Variants in PDE4B observed in about 807,000 individuals in gnomAD.
PDE4B encodes 3',5'-cyclic-AMP phosphodiesterase 4B.
A neutral mutation model predicts 82.2 loss-of-function variants in PDE4B; 20 were observed. The observed-to-expected ratio is 0.24, with a 90% confidence interval of 0.17 to 0.35. The LOEUF (loss-of-function observed/expected upper bound fraction) is 0.35. PDE4B is among the 10% of genes least tolerant of loss of function. PDE4B has a pLI of 1.00. For missense variants in PDE4B, 655 were observed against 907.2 expected (o/e 0.72, Z 3.57); for synonymous variants, 320 against 318.9 (o/e 1.00, Z -0.04).
chr1:66,084,750 C>T (rs1263071496), intron 3 of PDE4B, among the ~76,000 whole-genome samples: 1 of 152,110 alleles, frequency 6.6e-6, no homozygotes, highest in Non-Finnish European at 1.5e-5. Context: ...TATCTTCATT[C>T]TACTTGGTGA....
intron 1 of PDE4B, among the ~76,000 whole-genome samples, chr1:65,830,589 C>T (rs1646071220): frequency 6.6e-6 from 1 of 152,128 alleles, no homozygotes; most frequent in African/African-American, 2.4e-5. Context: ...AATGAGAAAA[C>T]CACCAGACAA....
chr1:65,836,323 G>A (rs1366466341), intron 1 of PDE4B, among the ~76,000 whole-genome samples: 2 of 152,040 alleles, frequency 1.3e-5, no homozygotes, highest in Non-Finnish European at 2.9e-5. Flanking sequence ...TCCTATACAT[G>A]GTCATCTCTA....
At chr1:66,107,532 C>G (rs1478756494) in intron 3 of PDE4B, among the ~76,000 whole-genome samples, 1 of 150,904 alleles carries the variant, frequency 6.6e-6, no homozygotes, top group Admixed American at 6.6e-5. Context: ...AAAAAAAAAA[C>G]CTGCCTTCCC....
chr1:66,232,477 G>A (rs1652030878), intron 3 of PDE4B, among the ~76,000 whole-genome samples: 2 of 152,086 alleles, frequency 1.3e-5, no homozygotes, highest in East Asian at 3.8e-4. Flanking sequence ...AACACATTAG[G>A]GAAGGATTGG....
At chr1:65,895,932 AAATAATAATAAT>A (rs58207336) in intron 1 of PDE4B, among the ~76,000 whole-genome samples, 15 of 143,702 alleles carry the variant, frequency 1.0e-4, no homozygotes, top group East Asian at 4.0e-4. Context: ...ATGAAAAAGA[AAATAATAATAAT>A]AATAATAATA....
chr1:66,310,388 C>T (rs183124620), intron 7 of PDE4B, among the ~76,000 whole-genome samples: 3 of 152,280 alleles, frequency 2.0e-5, no homozygotes, highest in Non-Finnish European at 2.9e-5. Context: ...GTGGCTTCAC[C>T]TCCACTCTCT....
At chr1:66,189,513 T>C (rs1315869388) in intron 3 of PDE4B, among the ~76,000 whole-genome samples, 1 of 152,214 alleles carries the variant, frequency 6.6e-6, no homozygotes, top group Non-Finnish European at 1.5e-5. Flanking sequence ...CCCATATTTC[T>C]TGGAGGCTTT....
At chr1:65,953,801 G>T (rs555627309) in intron 3 of PDE4B, among the ~76,000 whole-genome samples, 3 of 152,012 alleles carry the variant, frequency 2.0e-5, no homozygotes, top group Non-Finnish European at 4.4e-5. Flanking sequence ...AATGGTGATT[G>T]AATTTGATTA....
chr1:66,164,535 C>CAAAAAAAAAA (rs10718019), intron 3 of PDE4B, among the ~76,000 whole-genome samples: 142 of 48,572 alleles, frequency 2.9e-3, no homozygotes, highest in South Asian at 5.4e-3. Context: ...GACTCCGTCT[C>CAAAAAAAAAA]AAAAAAAAAA....
chr1:65,911,706 G>C (rs928776338), intron 1 of PDE4B, among the ~76,000 whole-genome samples: 5 of 151,988 alleles, frequency 3.3e-5, no homozygotes, highest in African/African-American at 1.2e-4. Flanking sequence ...TCATTCTTTG[G>C]TGTATGCCGA....
chr1:66,007,672 C>A (rs948724384), intron 3 of PDE4B, among the ~76,000 whole-genome samples: 1 of 152,026 alleles, frequency 6.6e-6, no homozygotes, highest in Non-Finnish European at 1.5e-5. Flanking sequence ...GGTGTACTAG[C>A]AATAGGCTAG....
chr1:66,021,466 T>G (rs1653105797), intron 3 of PDE4B, among the ~76,000 whole-genome samples: 4 of 152,272 alleles, frequency 2.6e-5, no homozygotes, highest in Admixed American at 2.6e-4. Flanking sequence ...CATTCAAGTC[T>G]TTAATCCATC....
intron 3 of PDE4B, among the ~76,000 whole-genome samples, chr1:66,101,658 T>C (rs1286580977): frequency 2.0e-5 from 3 of 152,286 alleles, no homozygotes; most frequent in East Asian, 3.9e-4. Context: ...TCATATCCTT[T>C]GCCCACTTTT....
intron 3 of PDE4B, among the ~76,000 whole-genome samples, chr1:66,109,466 T>C (rs567123960): frequency 1.7e-4 from 14 of 80,784 alleles, no homozygotes; most frequent in African/African-American, 4.3e-4. Flanking sequence ...TTTCATGCTT[T>C]GGAAAACAAT....
intron 7 of PDE4B, among the ~76,000 whole-genome samples, chr1:66,298,455 T>C (rs1367254475): frequency 6.6e-6 from 1 of 152,172 alleles, no homozygotes; most frequent in Admixed American, 6.6e-5. Flanking sequence ...AGATACTTCA[T>C]GGGTCTTTTA....
chr1:66,279,228 T>A (rs532274399), intron 7 of PDE4B, among the ~76,000 whole-genome samples: 2 of 152,304 alleles, frequency 1.3e-5, no homozygotes, highest in South Asian at 4.1e-4. Flanking sequence ...TAGCTCTTTA[T>A]GTCATGGGCA....
chr1:65,915,777 T>C (rs908830108), intron 2 of PDE4B, among the ~76,000 whole-genome samples: 2 of 152,206 alleles, frequency 1.3e-5, no homozygotes, highest in Non-Finnish European at 2.9e-5. Flanking sequence ...TCAAATTTTA[T>C]TGGCAAGAAT....
chr1:66,154,673 G>A (rs1299668192), intron 3 of PDE4B, among the ~76,000 whole-genome samples: 1 of 152,160 alleles, frequency 6.6e-6, no homozygotes, highest in Non-Finnish European at 1.5e-5. Context: ...GGCTACACAT[G>A]CTCCAATTAC....
At chr1:66,111,864 G>A (rs7548551) in intron 3 of PDE4B, among the ~76,000 whole-genome samples, 10,968 of 152,080 alleles carry the variant, frequency 0.072, 651 homozygotes, top group African/African-American at 0.16. Flanking sequence ...AATAAACAAT[G>A]CCAGGGTTCA....
Sources: gnomAD v4.1 joint callset for allele counts (sites outside exome capture counted in the v4.1 genomes callset) on GRCh38, gnomAD v4.1.1 for gene constraint, MANE v1.5 for transcripts, NCBI Gene and HGNC (gene_info 2026-07-23, HGNC 2026-07-21) for gene names.